The following TYW1 variants were observed in gnomAD, a reference collection of about 807,000 sequenced individuals.
The protein encoded by TYW1 is tRNA-yW synthesizing protein 1 homolog.
In TYW1, 46 loss-of-function variants were observed where a neutral mutation model predicts 96.2. The observed-to-expected ratio is 0.48, with a 90% CI of 0.38 to 0.61. The LOEUF is 0.61. TYW1 is among the 20% of genes least tolerant of loss of function. The pLI is 0.00. For missense variants in TYW1, 684 were observed against 909.6 expected (o/e 0.75, Z 3.19); for synonymous variants, 274 against 323.0 (o/e 0.85, Z 1.63).
chr7:67,205,279 G>C lies in TYW1; in HGVS notation c.1977+9942G>C, dbSNP rs187034229. Among the ~76,000 whole-genome samples the C allele has an allele frequency of 1.1e-3, 171 of 152,216 alleles. 1 individual carries two copies. Among genetic ancestry groups the C allele is most frequent in the Non-Finnish European group, 1.8e-3 (121 of 68,012 alleles). ...GCCTTGTTACTGCCAAGTAGGGGCA[G>C]AAGTTCTGGCTCCCGTCAGCCTCCT... is the stretch of plus-strand genomic sequence containing the variant. On this transcript the variant is annotated intron_variant, in intron 15 of 15. Coordinates refer to ENST00000359626, the MANE Select transcript of TYW1 (RefSeq NM_018264.4).
chr7:67,204,778 G>C (rs1032913946), intron 15 of TYW1, among the ~76,000 whole-genome samples: 2 of 151,758 alleles, frequency 1.3e-5, no homozygotes, highest in Admixed American at 6.6e-5. Context: ...ATTTTTATTA[G>C]AGATGGGGTT....
Position 67,101,626 on chromosome 7 carries a change from C to T in TYW1, c.1562+2908C>T, listed in dbSNP as rs183194803. ...CGCCTCCCAGATTCAAGCGATTCTC[C>T]TGCCTCAGTCTCCCCAGTAGCTGGG... is the stretch of plus-strand genomic sequence containing the variant. On this transcript the variant is annotated intron_variant, in intron 12 of 15. Coordinates refer to ENST00000359626, the MANE Select transcript of TYW1 (RefSeq NM_018264.4). Among the ~76,000 whole-genome samples, 300 of 152,196 alleles carry T rather than the reference C, an allele frequency of 2.0e-3. 2 individuals carry two copies. The highest frequency in any genetic ancestry group is 7.1e-3 in the African/African-American group (293 of 41,534).
At chr7:67,181,968 AC>A (rs1382021730) in intron 13 of TYW1, among the ~76,000 whole-genome samples, 1 of 152,058 alleles carries the variant, frequency 6.6e-6, no homozygotes, top group Non-Finnish European at 1.5e-5. Flanking sequence ...AGCTGGGATT[AC>A]AGGTGCATGC....
chr7:67,218,651 T>C lies in TYW1; in HGVS notation c.1978-19657T>C, dbSNP rs140609819. Reference sequence around the variant, plus strand: ...TACAGGCATGAGCCACCACTCACTATGGTGGCTATTGTTTATGAACCTGTT... The same window carrying C: ...TACAGGCATGAGCCACCACTCACTACGGTGGCTATTGTTTATGAACCTGTT... On this transcript the variant is annotated intron_variant, in intron 15 of 15. Transcript: ENST00000359626. 2.2e-3 allele frequency among the ~76,000 whole-genome samples: 329 copies of C among 152,302 alleles called. 1 individual carries two copies. Among genetic ancestry groups the C allele is most frequent in the African/African-American group, 7.2e-3 (298 of 41,574 alleles).
chr7:67,029,849 C>T (rs1444418774), intron 7 of TYW1, among the ~76,000 whole-genome samples: 2 of 152,116 alleles, frequency 1.3e-5, no homozygotes, highest in African/African-American at 2.4e-5. Flanking sequence ...TACAGACACG[C>T]ACCACCACGC....
chr7:67,210,067 A>T (rs1800947903), intron 15 of TYW1, among the ~76,000 whole-genome samples: 1 of 152,094 alleles, frequency 6.6e-6, no homozygotes, highest in Non-Finnish European at 1.5e-5. Flanking sequence ...GTTTATTTAG[A>T]TTTCCTTAGG....
chr7:67,230,157 C>A (rs982014888), intron 15 of TYW1, among the ~76,000 whole-genome samples: 1 of 151,844 alleles, frequency 6.6e-6, no homozygotes, highest in African/African-American at 2.4e-5. Context: ...TATCACTTAG[C>A]TTTTTTTGGA....
intron 13 of TYW1, among the ~76,000 whole-genome samples, chr7:67,170,128 TGA>T (rs1231429178): frequency 6.6e-6 from 1 of 152,186 alleles, no homozygotes; most frequent in East Asian, 1.9e-4. Context: ...GTGGACAATG[TGA>T]GAGGTTCATT....
At chr7:67,108,837 G>A (rs572394659) in intron 12 of TYW1, among the ~76,000 whole-genome samples, 141 of 152,068 alleles carry the variant, frequency 9.3e-4, no homozygotes, top group Non-Finnish European at 1.7e-3. Context: ...AAACAGGGTC[G>A]AAATTGTATA....
intron 13 of TYW1, among the ~76,000 whole-genome samples, chr7:67,155,557 TTC>T (rs1332998489): frequency 7.2e-6 from 1 of 139,360 alleles, no homozygotes; most frequent in African/African-American, 2.9e-5. Context: ...GCTTTAGGTA[TTC>T]TTTTTTTTTT....
In TYW1 at chr7:67,180,396, ATATATATATT is replaced by A. The variant is rs1274549780; in HGVS notation, c.1699-2720_1699-2711del. On this transcript the variant is annotated intron_variant, in intron 13 of 15. Transcript: ENST00000359626. Reference sequence around the variant, plus strand: ...TGGAAAGCTGTTGGTTTATATATATATATATATATTTATATATATATATATATAATTTTTT... The same window carrying A: ...TGGAAAGCTGTTGGTTTATATATATATATATATATATATATATAATTTTTT... Among the ~76,000 whole-genome samples the A allele has an allele frequency of 7.9e-4, 88 of 111,598 alleles. 4 individuals are homozygous for A. Among genetic ancestry groups the A allele is most frequent in the Admixed American group, 1.3e-3 (12 of 9,442 alleles). 73.2% of individuals were successfully genotyped at this position (111,598 alleles called of 152,430 possible).
At position 67,098,781 on chromosome 7, in the gene TYW1, A is replaced by G. The variant is rs1270733151; in HGVS notation, c.1562+63A>G. 7 of 1,455,628 alleles carry G rather than the reference A, an allele frequency of 4.8e-6. No homozygotes were observed. The East Asian group carries it at 9.1e-5, about 19-fold the overall frequency. The allele number at this position is 1,455,628 out of a possible 1,614,324, so 90.2% of individuals were successfully genotyped here. On this transcript the variant is annotated intron_variant, in intron 12 of 15. Transcript: ENST00000359626. ...CTATGTTTCACTGCAAAGTAAAACT[A>G]ATAGGCATTAATGCAATCAAATAGG...
chr7:67,022,348 A>C (rs777076488), intron 6 of TYW1, among the ~76,000 whole-genome samples: 1 of 152,242 alleles, frequency 6.6e-6, no homozygotes, highest in Non-Finnish European at 1.5e-5. Flanking sequence ...ACAAGGTCAG[A>C]AATACTTACA....
intron 15 of TYW1, 73 bp from the exon 16 acceptor site, chr7:67,238,235 G>A (rs555633629): frequency 1.9e-5 from 30 of 1,579,402 alleles, no homozygotes; most frequent in Non-Finnish European, 2.5e-5. Context: ...ACTTGTTCAT[G>A]ATTTTAAAAA....
chr7:67,160,191 G>A (rs1739859049), intron 13 of TYW1, among the ~76,000 whole-genome samples: 1 of 152,142 alleles, frequency 6.6e-6, no homozygotes, highest in African/African-American at 2.4e-5. Flanking sequence ...GAGCCCAGGA[G>A]GTTGAGGCTG....
chr7:67,059,147 T>C (rs1158133885), intron 9 of TYW1, among the ~76,000 whole-genome samples: 1 of 149,398 alleles, frequency 6.7e-6, no homozygotes, highest in Non-Finnish European at 1.5e-5. Context: ...TCACCCAGGC[T>C]GGAGTGCAGT....
chr7:67,219,845 G>GTTTTTTTTTT (rs57991071), intron 15 of TYW1, among the ~76,000 whole-genome samples: 2 of 132,068 alleles, frequency 1.5e-5, no homozygotes, highest in Non-Finnish European at 3.2e-5. Flanking sequence ...GGTTTTGTGG[G>GTTTTTTTTTT]TTTTTTTTTT....
chr7:67,009,505 T>G lies in TYW1; in HGVS notation c.274-78T>G, dbSNP rs1331553333. 4.7e-6 allele frequency: 6 copies of G among 1,280,860 alleles called. No homozygotes were observed. In the Admixed American group the frequency reaches 6.6e-5, roughly 14 times the overall value. The allele number at this position is 1,280,860 out of a possible 1,614,324, so 79.3% of individuals were successfully genotyped here. A position where few individuals can be genotyped will look rare whatever the true frequency, so the allele number is the denominator to read the frequency against. ...ATATTTTTCATGAGGAATGCCACAT[T>G]CTTGTGCCAACAGGGGTAATGAGGG... On this transcript the variant is annotated intron_variant, in intron 3 of 15. Transcript: ENST00000359626.
intron 7 of TYW1, among the ~76,000 whole-genome samples, chr7:67,039,820 G>T (rs1794959485): frequency 6.6e-6 from 1 of 151,206 alleles, no homozygotes. Context: ...GTGCCACCAC[G>T]CCCAGCTAAT....
Sources: gnomAD v4.1 joint callset for allele counts (sites outside exome capture counted in the v4.1 genomes callset) on GRCh38, gnomAD v4.1.1 for gene constraint, MANE v1.5 for transcripts, NCBI Gene and HGNC (gene_info 2026-07-23, HGNC 2026-07-21) for gene names.